Variants in CCDC88C observed in about 807,000 individuals in gnomAD.
CCDC88C encodes coiled-coil and HOOK domain protein 88C, also known as protein Daple.
In CCDC88C, 131 loss-of-function variants were observed where a neutral mutation model predicts 198.8. That is an observed-to-expected ratio of 0.66 (90% CI 0.57 to 0.76). The LOEUF (loss-of-function observed/expected upper bound fraction) is 0.76, where lower values mean the gene tolerates loss of function less well. Ranked by LOEUF, CCDC88C falls within the 30% of genes least tolerant of loss-of-function variation. The probability of loss-of-function intolerance (pLI) is 0.00; values close to 1 mark genes in which losing one functional copy is unlikely to be tolerated. For missense variants in CCDC88C, 2,553 were observed against 2,631.6 expected (o/e 0.97, Z 0.65); for synonymous variants, 1,166 against 1,114.7 (o/e 1.05, Z -0.92).
intron 10 of CCDC88C, among the ~76,000 whole-genome samples, chr14:91,331,549 AG>A (rs1356706032): frequency 1.4e-5 from 2 of 138,794 alleles, no homozygotes; most frequent in African/African-American, 2.5e-5. Context: ...TGCGAGAGAG[AG>A]GAGAGAGAAA....
At chr14:91,401,266 TTA>T (rs943046243) in intron 3 of CCDC88C, among the ~76,000 whole-genome samples, 3 of 144,948 alleles carry the variant, frequency 2.1e-5, no homozygotes, top group East Asian at 1.9e-4. Context: ...AATATATACA[TTA>T]TATATATTAT....
intron 3 of CCDC88C, among the ~76,000 whole-genome samples, chr14:91,390,760 A>G (rs1218886742): frequency 4.6e-5 from 7 of 152,144 alleles, no homozygotes; most frequent in Admixed American, 4.6e-4. Flanking sequence ...CCCAAACAAC[A>G]GATTCCAAAG....
At chr14:91,416,112 T>TG (rs1381067790) in intron 2 of CCDC88C, among the ~76,000 whole-genome samples, 1 of 152,208 alleles carries the variant, frequency 6.6e-6, no homozygotes, top group Admixed American at 6.5e-5. Flanking sequence ...GGAAAGGATG[T>TG]GGTCAGATGT....
intron 1 of CCDC88C, chr14:91,417,208 C>T (rs1887111148): frequency 1.4e-6 from 1 of 703,080 alleles, no homozygotes; most frequent in Non-Finnish European, 2.6e-6. Context: ...CCCCACCCGT[C>T]ACCGCCATCC....
intron 21 of CCDC88C, among the ~76,000 whole-genome samples, chr14:91,297,914 C>T (rs2099417997): frequency 6.6e-6 from 1 of 152,178 alleles, no homozygotes; most frequent in South Asian, 2.1e-4. Context: ...CTGTCTCTGC[C>T]CAGCTCTTCT....
At chr14:91,334,126 A>G (rs959963153) in intron 10 of CCDC88C, among the ~76,000 whole-genome samples, 5 of 152,232 alleles carry the variant, frequency 3.3e-5, no homozygotes, top group Non-Finnish European at 7.3e-5. Context: ...TTTATCACAT[A>G]TCCATCAATC....
Position 91,307,162 on chromosome 14 carries a change from A to G in CCDC88C, c.3071T>C (p.Phe1024Ser). The change falls in exon 18 of 30, where the codon TTC becomes TCC. Residue 1024 changes from phenylalanine (F) to serine (S), a missense_variant. This residue lies in a region of CCDC88C where 1,260 missense variants were observed against 1,412.0 expected (regional missense o/e 0.89). Coordinates refer to ENST00000389857, the MANE Select transcript of CCDC88C (RefSeq NM_001080414.4). ...GGCTGTCTTCCCCGCAGGGTGCTTG[A>G]AAGAGTTCTGCAAGTGCTGCCCCTC... ...QGEGQHLQNS[F>S]KHPAGKTAAS... 6.2e-7 allele frequency: 1 copy of G among 1,613,892 alleles called. No homozygotes were observed. Among genetic ancestry groups the G allele is most frequent in the Non-Finnish European group, 8.5e-7 (1 of 1,179,860 alleles).
In CCDC88C at chr14:91,338,288, G is replaced by A; in HGVS notation, c.892-125C>T. 8.3e-7 allele frequency: 1 copy of A among 1,204,040 alleles called. No homozygotes were observed. Among genetic ancestry groups the A allele is most frequent in the African/African-American group, 1.5e-5 (1 of 66,324 alleles). The allele number at this position is 1,204,040 out of a possible 1,614,324, so 74.6% of individuals were successfully genotyped here. ...GGACAAGCCAGCTCCTGGTGGCCGG[G>A]GGCCTCCATGTGCCACCACCACACG... On this transcript the variant is annotated intron_variant, in intron 9 of 29. Transcript: ENST00000389857. This position sits in a 1 kb window ranked among gnomAD's most constrained non-coding sequence, Gnocchi z 4.8.
rs200361696 is a variant in CCDC88C at position 91,406,630 on chromosome 14, A to G, written c.270+2029T>C. ...GCACTATGTGCTTCCCCTAGCACTC[A>G]GCACAGAGTCCTGAAAGCACTTGCC... On this transcript the variant is annotated intron_variant, in intron 3 of 29. Transcript: ENST00000389857. Among the ~76,000 whole-genome samples the G allele has an allele frequency of 4.6e-5, 7 of 152,346 alleles. No individual in the cohort carries two copies. The East Asian group carries it at 1.4e-3, about 29-fold the overall frequency.
intron 3 of CCDC88C, among the ~76,000 whole-genome samples, chr14:91,398,164 C>T (rs569516052): frequency 2.0e-5 from 3 of 152,292 alleles, no homozygotes; most frequent in Admixed American, 6.5e-5. Flanking sequence ...CACAGTTCCT[C>T]GCTGCTATCT....
Position 91,278,150 on chromosome 14 carries a change from G to A in CCDC88C, c.4830C>T (p.Ser1610=). ...CCCGGGGCAAAGTGGCCAGGTCCCT[G>A]CTGGGGATCAGGTCTTCGCTGCTGA... ...ESFSSEDLIP[S]RDLATLPREA... is the part of the protein sequence containing the mutation. The change falls in exon 29 of 30, where the codon AGC becomes AGT. Residue 1610 remains serine (S), a synonymous_variant. Transcript: ENST00000389857. 1 of 1,613,206 alleles carries A rather than the reference G, an allele frequency of 6.2e-7. No homozygotes were observed. Among genetic ancestry groups the A allele is most frequent in the Non-Finnish European group, 8.5e-7 (1 of 1,179,728 alleles).
At chr14:91,293,190 T>C (rs76371598) in intron 23 of CCDC88C, among the ~76,000 whole-genome samples, 772 of 23,928 alleles carry the variant, frequency 0.032, no homozygotes, top group South Asian at 0.052. Context: ...CTGCCACAGC[T>C]CACCTTCCTG....
chr14:91,323,534 G>A (rs189656314), intron 12 of CCDC88C, among the ~76,000 whole-genome samples: 3 of 152,338 alleles, frequency 2.0e-5, no homozygotes, highest in Admixed American at 1.3e-4. Flanking sequence ...CTCAGGCTTT[G>A]CTTGCACGAT....
At chr14:91,289,610 G>A (rs1315100537) in intron 24 of CCDC88C, among the ~76,000 whole-genome samples, 2 of 152,206 alleles carry the variant, frequency 1.3e-5, no homozygotes, top group African/African-American at 4.8e-5. Flanking sequence ...CAGGATGAAG[G>A]AAGTGATGCC....
intron 29 of CCDC88C, among the ~76,000 whole-genome samples, chr14:91,277,357 C>T (rs138491278): frequency 5.4e-4 from 82 of 152,256 alleles, no homozygotes; most frequent in African/African-American, 1.9e-3. Context: ...TTTGTAAAAA[C>T]GTATTTCACA....
At position 91,386,209 on chromosome 14, in the gene CCDC88C, C is replaced by T. The variant is rs377487096; in HGVS notation, c.270+22450G>A. Reference sequence around the variant, plus strand: ...TTGTAATCCCAGCACTTTGGGAGGCCGAGGTGGGTGGATCACTTGAGGACA... The same window carrying T: ...TTGTAATCCCAGCACTTTGGGAGGCTGAGGTGGGTGGATCACTTGAGGACA... On this transcript the variant is annotated intron_variant, in intron 3 of 29. Transcript: ENST00000389857. Among the ~76,000 whole-genome samples the T allele has an allele frequency of 4.7e-5, 7 of 149,576 alleles. No individual in the cohort carries two copies. In the East Asian group the frequency reaches 1.4e-3, roughly 30 times the overall value.
intron 10 of CCDC88C, among the ~76,000 whole-genome samples, chr14:91,337,494 T>C (rs1327748293): frequency 6.6e-6 from 1 of 152,190 alleles, no homozygotes; most frequent in African/African-American, 2.4e-5. Context: ...CACGTGGCAC[T>C]ATGCCTGGCT....
At chr14:91,287,730 C>A (rs547873938) in intron 25 of CCDC88C, among the ~76,000 whole-genome samples, 143 of 147,074 alleles carry the variant, frequency 9.7e-4, no homozygotes, top group African/African-American at 3.5e-3. Flanking sequence ...ACACCACACT[C>A]AGAGGGTAGC....
rs61102058 is a variant in CCDC88C, at chr14:91,320,024, CAAAAAAAA to C, written c.1527+1088_1527+1095del. On this transcript the variant is annotated intron_variant, in intron 13 of 29. Coordinates refer to ENST00000389857, the MANE Select transcript of CCDC88C (RefSeq NM_001080414.4). Reference sequence around the variant, plus strand: ...GGGCAACAAGAACAAAACTCAGTCTCAAAAAAAAAAAAAAAAAAAAAAAAAAAAGAAAT... The same window carrying C: ...GGGCAACAAGAACAAAACTCAGTCTCAAAAAAAAAAAAAAAAAAAAGAAAT... 2.7e-3 allele frequency among the ~76,000 whole-genome samples: 65 copies of C among 24,176 alleles called. 1 individual carries two copies. Among genetic ancestry groups the C allele is most frequent in the African/African-American group, 6.8e-3 (65 of 9,496 alleles). 15.9% of individuals were successfully genotyped at this position (24,176 alleles called of 152,430 possible).
Sources: allele counts gnomAD v4.1 joint callset (sites outside exome capture counted in the v4.1 genomes callset), GRCh38; gene constraint gnomAD v4.1.1; regional missense constraint gnomAD v4.1.1; non-coding constraint Gnocchi (gnomAD v3.1); transcripts MANE v1.5; gene names NCBI Gene and HGNC (gene_info 2026-07-23, HGNC 2026-07-21).